Variants in GRIK3 observed in about 807,000 individuals in gnomAD.
GRIK3 encodes glutamate receptor ionotropic, kainate 3.
Under a neutral mutation model 102.5 loss-of-function variants are expected in GRIK3, and 29 were observed. The ratio of observed to expected loss-of-function variants is 0.28; its 90% CI spans 0.21 to 0.39. The LOEUF is 0.39. GRIK3 is among the 10% of genes least tolerant of loss of function. GRIK3 has a pLI of 1.00. For missense variants in GRIK3, 908 were observed against 1,252.4 expected (o/e 0.73, Z 4.15); for synonymous variants, 511 against 504.9 (o/e 1.01, Z -0.16).
At position 37,009,596 on chromosome 1, in the gene GRIK3, G is replaced by A. The variant is rs138117455; in HGVS notation, c.115+24398C>T. 3.5e-3 allele frequency among the ~76,000 whole-genome samples: 527 copies of A among 152,308 alleles called. 1 individual carries two copies. The highest frequency in any genetic ancestry group is 0.011 in the African/African-American group (464 of 41,570). ...AACGGCAGTGTGTATGGCTGGAGGG[G>A]TGTGTGTGTATGTGTGTGTGTGGTC... On this transcript the variant is annotated intron_variant, in intron 1 of 15. Transcript: ENST00000373091.
chr1:36,910,781 G>C (rs909415308), intron 1 of GRIK3, among the ~76,000 whole-genome samples: 1 of 152,198 alleles, frequency 6.6e-6, no homozygotes, highest in Admixed American at 6.5e-5. Flanking sequence ...TCCATAAGCA[G>C]GTAATTGGCT....
At position 36,951,156 on chromosome 1, in the gene GRIK3, G is replaced by A. The variant is rs149360019; in HGVS notation, c.116-60060C>T. Among the ~76,000 whole-genome samples, 485 of 152,354 alleles carry A rather than the reference G, an allele frequency of 3.2e-3. 2 individuals carry two copies. The highest frequency in any genetic ancestry group is 0.011 in the African/African-American group (464 of 41,592). On this transcript the variant is annotated intron_variant, in intron 1 of 15. Transcript: ENST00000373091. ...GCCAAGCTGTTCAGTGTCACCTGCT[G>A]CAGAAGCTTACAGCAGGGGGCTGGA...
chr1:36,922,901 G>A (rs967650444), intron 1 of GRIK3, among the ~76,000 whole-genome samples: 1 of 152,180 alleles, frequency 6.6e-6, no homozygotes, highest in East Asian at 1.9e-4. Flanking sequence ...GCAAAGGCAG[G>A]AGATGGCCCT....
At chr1:36,822,337 G>A (rs998297696) in intron 11 of GRIK3, among the ~76,000 whole-genome samples, 1 of 152,206 alleles carries the variant, frequency 6.6e-6, no homozygotes, top group Non-Finnish European at 1.5e-5. Context: ...ATCAAATGCC[G>A]TTACAGGTTG....
At chr1:37,013,119 G>C (rs531683014) in intron 1 of GRIK3, among the ~76,000 whole-genome samples, 1 of 152,178 alleles carries the variant, frequency 6.6e-6, no homozygotes, top group African/African-American at 2.4e-5. Context: ...ATGGTGACAG[G>C]CAAGAGAGAA....
At chr1:36,892,087 C>T (rs1641123636) in intron 1 of GRIK3, among the ~76,000 whole-genome samples, 1 of 152,186 alleles carries the variant, frequency 6.6e-6, no homozygotes, top group Admixed American at 6.5e-5. Context: ...GGCACAATCT[C>T]TGCTCACGGC....
rs1642519113 is a variant in GRIK3, at chr1:37,005,223, C to A, written c.115+28771G>T. 1.3e-5 allele frequency among the ~76,000 whole-genome samples: 2 copies of A among 152,202 alleles called. 1 individual carries two copies. Among genetic ancestry groups the A allele is most frequent in the South Asian group, 4.1e-4 (2 of 4,834 alleles). On this transcript the variant is annotated intron_variant, in intron 1 of 15. Coordinates refer to ENST00000373091, the MANE Select transcript of GRIK3 (RefSeq NM_000831.4). ...GTCCCCACCTGATGCCAGATGCCAG[C>A]CTCTTTGGACATCATAATCTGTCTG...
intron 1 of GRIK3, among the ~76,000 whole-genome samples, chr1:36,908,458 G>C (rs1641310019): frequency 1.3e-5 from 2 of 152,148 alleles, no homozygotes; most frequent in Non-Finnish European, 2.9e-5. Context: ...ATTGTCCTGG[G>C]TTCTGATCCA....
chr1:36,858,976 G>C, intron 7 of GRIK3, 132 bp downstream of exon 7: 1 of 781,310 alleles, frequency 1.3e-6, no homozygotes. Context: ...ACTGAGGCTC[G>C]GAGACATGAG....
intron 3 of GRIK3, among the ~76,000 whole-genome samples, chr1:36,876,780 T>C (rs747498574): frequency 9.2e-5 from 14 of 152,212 alleles, no homozygotes; most frequent in Non-Finnish European, 1.8e-4. Flanking sequence ...ATCAAAGTTA[T>C]ATTATTTGGC....
At chr1:36,980,094 A>G (rs1642234106) in intron 1 of GRIK3, among the ~76,000 whole-genome samples, 1 of 152,178 alleles carries the variant, frequency 6.6e-6, no homozygotes, top group Admixed American at 6.5e-5. Flanking sequence ...CCCTCTGAGA[A>G]TCTGACTTTA....
chr1:36,965,712 C>T (rs1007010582), intron 1 of GRIK3, among the ~76,000 whole-genome samples: 43 of 152,314 alleles, frequency 2.8e-4, no homozygotes, highest in East Asian at 1.5e-3. Context: ...TGAGTCCCAA[C>T]GGGAATTTTG....
rs112196549 is a variant in GRIK3 at position 37,013,167 on chromosome 1, A to T, written c.115+20827T>A. Reference sequence around the variant, plus strand: ...AAAAGGGGAAACCCCTTATAAAACCATCAGATCTCGTGAGACGTATTTACT... The same window carrying T: ...AAAAGGGGAAACCCCTTATAAAACCTTCAGATCTCGTGAGACGTATTTACT... On this transcript the variant is annotated intron_variant, in intron 1 of 15. Transcript: ENST00000373091. 2.0e-3 allele frequency among the ~76,000 whole-genome samples: 302 copies of T among 152,290 alleles called. 1 individual carries two copies. Among genetic ancestry groups the T allele is most frequent in the African/African-American group, 6.8e-3 (284 of 41,568 alleles).
intron 4 of GRIK3, among the ~76,000 whole-genome samples, chr1:36,870,107 G>A (rs1485151534): frequency 5.9e-5 from 9 of 152,328 alleles, no homozygotes; most frequent in South Asian, 2.1e-4. Flanking sequence ...TTGAGTAAGC[G>A]TCTCCCGGCC....
At position 36,872,576 on chromosome 1, in the gene GRIK3, C is replaced by T. The variant is rs1229880969; in HGVS notation, c.551-207G>A. ...GTGCACATACAAACACATGGCTACA[C>T]GCACGTGCATGTCAATATGGGCAGG... On this transcript the variant is annotated intron_variant, in intron 3 of 15. Coordinates refer to ENST00000373091, the MANE Select transcript of GRIK3 (RefSeq NM_000831.4). This position sits in a 1 kb window ranked among gnomAD's most constrained non-coding sequence, Gnocchi z 5.9. Among the ~76,000 whole-genome samples the T allele has an allele frequency of 2.6e-5, 4 of 152,160 alleles. No individual in the cohort carries two copies. Among genetic ancestry groups the T allele is most frequent in the South Asian group, 2.1e-4 (1 of 4,824 alleles).
chr1:37,006,669 T>A (rs489485), intron 1 of GRIK3, among the ~76,000 whole-genome samples: 16,840 of 152,302 alleles, frequency 0.11, 1,106 homozygotes, highest in South Asian at 0.21. Flanking sequence ...GCACGTGGGC[T>A]AGACATCAGA....
At position 36,806,918 on chromosome 1, in the gene GRIK3, G is replaced by A. The variant is rs910972935; in HGVS notation, c.2092-592C>T. On this transcript the variant is annotated intron_variant, in intron 13 of 15. Transcript: ENST00000373091. The surrounding 1 kb of genome is among the most constrained non-coding windows in gnomAD (Gnocchi z 4.0). ...GGGGGAGAGACAGCTGCTCATCGGG[G>A]CAAAGCTGAGTGGGTCCTGGGCCTC... Among the ~76,000 whole-genome samples, 5 of 152,216 alleles carry A rather than the reference G, an allele frequency of 3.3e-5. No homozygotes were observed. The highest frequency in any genetic ancestry group is 9.7e-5 in the African/African-American group (4 of 41,448).
intron 1 of GRIK3, among the ~76,000 whole-genome samples, chr1:37,003,927 G>T (rs905891379): frequency 2.0e-5 from 3 of 152,156 alleles, no homozygotes; most frequent in African/African-American, 7.2e-5. Flanking sequence ...GCAGAAAGAA[G>T]GGAGAGGAGG....
rs1344014273 is a variant in GRIK3 at position 36,872,243 on chromosome 1, T to G, written c.677A>C (p.Glu226Ala). Residue 226 changes from glutamate to alanine, a missense_variant, in exon 4 of 16, where the codon GAA (glutamate) becomes GCA (alanine). Glu to Ala is a moderately radical substitution (Grantham distance 107). Coordinates refer to ENST00000373091, the MANE Select transcript of GRIK3 (RefSeq NM_000831.4). The surrounding 1 kb of genome is among the most constrained non-coding windows in gnomAD (Gnocchi z 5.9). ...PLLKEMKRGR[E>A]FRIIFDCSHT... ...GCTGCAGTCGAAGATAATGCGGAAT[T>G]CCCGGCCTCGCTTCATCTCCTTGAG... 1 of 1,612,242 alleles carries G rather than the reference T, an allele frequency of 6.2e-7. No homozygotes were observed. The highest frequency in any genetic ancestry group is 8.5e-7 in the Non-Finnish European group (1 of 1,179,162).
Sources: allele counts gnomAD v4.1 joint callset (sites outside exome capture counted in the v4.1 genomes callset), GRCh38; gene constraint gnomAD v4.1.1; non-coding constraint Gnocchi (gnomAD v3.1); transcripts MANE v1.5; gene names NCBI Gene and HGNC (gene_info 2026-07-23, HGNC 2026-07-21).